Variants in DAPK1 observed in about 807,000 individuals in gnomAD.
DAPK1 encodes the protein death-associated protein kinase 1.
A neutral mutation model predicts 144.9 loss-of-function variants in DAPK1; 56 were observed. The ratio of observed to expected loss-of-function variants is 0.39; its 90% confidence interval spans 0.31 to 0.48. DAPK1 has a LOEUF of 0.48. Ranked by LOEUF, DAPK1 falls within the 20% of genes least tolerant of loss-of-function variation. The pLI, the probability that DAPK1 is intolerant of heterozygous loss-of-function variation, is 0.95. For missense variants in DAPK1, 1,454 were observed against 1,875.4 expected, an observed-to-expected ratio of 0.78 and a Z score of 4.15; for synonymous variants, 690 against 749.0, an observed-to-expected ratio of 0.92 and a Z score of 1.29.
intron 3 of DAPK1, among the ~76,000 whole-genome samples, chr9:87,633,771 C>T (rs1397963052): frequency 6.6e-6 from 1 of 152,216 alleles, no homozygotes; most frequent in Non-Finnish European, 1.5e-5. Context: ...AAGCCCAGTT[C>T]AAGATGGTGC....
intron 24 of DAPK1, 150 bp downstream of exon 24, chr9:87,700,387 A>G: frequency 1.6e-6 from 1 of 641,654 alleles, no homozygotes; most frequent in Non-Finnish European, 2.8e-6. Context: ...GAAAGGAAGA[A>G]TAGAGAAACA....
chr9:87,636,448 G>A (rs1829896641), intron 3 of DAPK1, among the ~76,000 whole-genome samples: 1 of 152,204 alleles, frequency 6.6e-6, no homozygotes, highest in Admixed American at 6.5e-5. Flanking sequence ...TCAGGTGCTT[G>A]TTAAAGATGC....
chr9:87,619,369 A>G (rs971988840), intron 3 of DAPK1, among the ~76,000 whole-genome samples: 1 of 152,136 alleles, frequency 6.6e-6, no homozygotes, highest in Non-Finnish European at 1.5e-5. Context: ...GTAGGAGAGG[A>G]TGTACATGCT....
Position 87,623,295 on chromosome 9 carries a change from G to A in DAPK1, c.285-14648G>A, listed in dbSNP as rs557634229. ...TTGCTTTTTTCACTTATGAATGAAA[G>A]TGATTACATTAAAAATCTTCCTTTT... On this transcript the variant is annotated intron_variant, in intron 3 of 25. Coordinates refer to ENST00000408954, the MANE Select transcript of DAPK1 (RefSeq NM_004938.4). Among the ~76,000 whole-genome samples the A allele has an allele frequency of 3.9e-5, 6 of 152,304 alleles. No homozygotes were observed. The South Asian group carries it at 1.0e-3, about 26-fold the overall frequency.
chr9:87,658,074 G>C lies in DAPK1; in HGVS notation c.1870G>C (p.Asp624His). 1 of 1,554,632 alleles carries C rather than the reference G, an allele frequency of 6.4e-7. No homozygotes were observed. The highest frequency in any genetic ancestry group is 8.9e-7 in the Non-Finnish European group (1 of 1,126,340). The change falls in exon 18 of 26, where the codon GAC (aspartate) becomes CAC (histidine). Residue 624 changes from aspartate to histidine, a missense_variant. Asp to His is a moderately conservative substitution (Grantham distance 81). Coordinates refer to ENST00000408954, the MANE Select transcript of DAPK1 (RefSeq NM_004938.4). ...CCTTGCGGCCAACAACGGAATCCTAGACGTGGTCCGGTATCTCTGTCTGAT... is the reference window on the plus strand; with the variant it reads ...CCTTGCGGCCAACAACGGAATCCTACACGTGGTCCGGTATCTCTGTCTGAT... ...LHLAANNGILDVVRYLCLMGA... is the reference protein window; with the variant it reads ...LHLAANNGILHVVRYLCLMGA...
At chr9:87,608,955 G>A (rs569544466) in intron 3 of DAPK1, among the ~76,000 whole-genome samples, 121 of 152,276 alleles carry the variant, frequency 7.9e-4, no homozygotes, top group African/African-American at 2.9e-3. Context: ...CATATATTTG[G>A]TCAGACATTA....
At chr9:87,499,191 A>C (rs778006633) in intron 2 of DAPK1, 52 bp downstream of exon 2, 1 of 1,467,838 alleles carries the variant, frequency 6.8e-7, no homozygotes, top group East Asian at 2.3e-5. Context: ...ATGCATAACG[A>C]TGGGGCCATT....
At chr9:87,590,686 C>G (rs1828101459) in intron 2 of DAPK1, among the ~76,000 whole-genome samples, 1 of 152,148 alleles carries the variant, frequency 6.6e-6, no homozygotes, top group African/African-American at 2.4e-5. Flanking sequence ...CACCCGGGCT[C>G]AAGCCATCCT....
At position 87,707,328 on chromosome 9, in the gene DAPK1, C is replaced by G. The variant is rs1463469706; in HGVS notation, c.4257C>G (p.Thr1419=). ...EAYASSCNSG[T]SYNSISSVVS... is the part of the protein sequence containing the mutation. ...ATGCCTCGAGCTGCAACAGCGGCAC[C>G]TCTTACAATTCCATTAGCTCTGTTG... The change falls in exon 26 of 26, where the codon ACC becomes ACG. Residue 1419 remains threonine (T), a synonymous_variant. Transcript: ENST00000408954. This position sits in a 1 kb window ranked among gnomAD's most constrained non-coding sequence, Gnocchi z 4.0. 1.2e-6 allele frequency: 2 copies of G among 1,611,844 alleles called. No individual in the cohort carries two copies. Among genetic ancestry groups the G allele is most frequent in the East Asian group, 4.5e-5 (2 of 44,854 alleles).
At chr9:87,499,368 T>C in intron 2 of DAPK1, 2 of 522,430 alleles carry the variant, frequency 3.8e-6, no homozygotes, top group Non-Finnish European at 3.4e-6. Context: ...GCACAGTATA[T>C]TGATCCAGTC....
At chr9:87,543,116 A>G (rs73652032) in intron 2 of DAPK1, among the ~76,000 whole-genome samples, 3,479 of 152,138 alleles carry the variant, frequency 0.023, 132 homozygotes, top group African/African-American at 0.074. Flanking sequence ...GAGAATGTTA[A>G]AATAAAAGAA....
intron 2 of DAPK1, among the ~76,000 whole-genome samples, chr9:87,594,358 G>T (rs769858801): frequency 6.6e-6 from 1 of 152,178 alleles, no homozygotes; most frequent in African/African-American, 2.4e-5. Flanking sequence ...TGCAGTTCAC[G>T]TATCCTTTAG....
At chr9:87,532,565 A>G (rs974789809) in intron 2 of DAPK1, among the ~76,000 whole-genome samples, 1 of 152,212 alleles carries the variant, frequency 6.6e-6, no homozygotes, top group Non-Finnish European at 1.5e-5. Flanking sequence ...TATTCATTTC[A>G]TGTATATTAT....
rs770199895 is a variant in DAPK1 at position 87,605,193 on chromosome 9, C to T, written c.284+18C>T. On this transcript the variant is annotated intron_variant, in intron 3 of 25. Coordinates refer to ENST00000408954, the MANE Select transcript of DAPK1 (RefSeq NM_004938.4). Reference sequence around the variant, plus strand: ...TTGGAACTGTGAGTGCCGCCTGGGCCAGGCTGGGGAGAGGGTGTGGTGGGC... The same window carrying T: ...TTGGAACTGTGAGTGCCGCCTGGGCTAGGCTGGGGAGAGGGTGTGGTGGGC... 22 of 1,600,972 alleles carry T rather than the reference C, an allele frequency of 1.4e-5. No homozygotes were observed. The highest frequency in any genetic ancestry group is 1.7e-5 in the Non-Finnish European group (20 of 1,168,730).
intron 2 of DAPK1, among the ~76,000 whole-genome samples, chr9:87,567,137 C>T (rs868271087): frequency 4.6e-5 from 7 of 152,194 alleles, no homozygotes; most frequent in African/African-American, 1.7e-4. Flanking sequence ...TCTGTTGGCA[C>T]AGCAAGTGAA....
At chr9:87,533,989 TCTCAGGTTCCTGTC>T (rs1825782429) in intron 2 of DAPK1, among the ~76,000 whole-genome samples, 1 of 152,164 alleles carries the variant, frequency 6.6e-6, no homozygotes, top group Admixed American at 6.5e-5. Context: ...TAACAGCAGT[TCTCAGGTTCCTGTC>T]CTTTAGGCCC....
At chr9:87,605,250 C>T (rs1020710747) in intron 3 of DAPK1, 75 bp downstream of exon 3, 38 of 1,242,298 alleles carry the variant, frequency 3.1e-5, no homozygotes, top group African/African-American at 1.6e-4. Context: ...AGCTGGACCA[C>T]GCCACAGCGA....
chr9:87,563,675 C>T (rs1827013074), intron 2 of DAPK1, among the ~76,000 whole-genome samples: 1 of 152,206 alleles, frequency 6.6e-6, no homozygotes. Flanking sequence ...TCAGTCAGCA[C>T]ACACCACCAG....
Position 87,501,290 on chromosome 9 carries a change from G to T in DAPK1, c.62+2151G>T, listed in dbSNP as rs1486250126. Among the ~76,000 whole-genome samples the T allele has an allele frequency of 3.9e-5, 6 of 152,316 alleles. No individual in the cohort carries two copies. In the East Asian group the frequency reaches 1.2e-3, roughly 29 times the overall value. On this transcript the variant is annotated intron_variant, in intron 2 of 25. Coordinates refer to ENST00000408954, the MANE Select transcript of DAPK1 (RefSeq NM_004938.4). ...ATCCCAGCACTTTTGGGAGGCTGAG[G>T]TAGGCAAATCACGAGGTCAGGAGTT...
Sources: allele counts gnomAD v4.1 joint callset (sites outside exome capture counted in the v4.1 genomes callset), GRCh38; gene constraint gnomAD v4.1.1; non-coding constraint Gnocchi (gnomAD v3.1); transcripts MANE v1.5; gene names NCBI Gene and HGNC (gene_info 2026-07-23, HGNC 2026-07-21).